Variants in FMN1 observed in about 807,000 individuals in gnomAD.
The protein encoded by FMN1 is formin 1.
In FMN1, 110 loss-of-function variants were observed where a neutral mutation model predicts 132.4. The ratio of observed to expected loss-of-function variants is 0.83; its 90% CI spans 0.71 to 0.97. The LOEUF is 0.97. FMN1 is among the 50% of genes least tolerant of loss of function. The probability of loss-of-function intolerance (pLI) is 0.00; values close to 1 mark genes in which losing one functional copy is unlikely to be tolerated. For synonymous variants in FMN1, 722 were observed against 651.7 expected (o/e 1.11, Z -1.64); for missense variants, 1,792 against 1,705.3 (o/e 1.05, Z -0.90).
chr15:32,847,779 T>C (rs931795177), intron 17 of FMN1, among the ~76,000 whole-genome samples: 5 of 152,148 alleles, frequency 3.3e-5, no homozygotes, highest in East Asian at 1.9e-4. Flanking sequence ...GGCATGAACC[T>C]GGGAGGCGGA....
chr15:33,168,859 G>A lies in FMN1; in HGVS notation c.-132+11339C>T, dbSNP rs116391324. Among the ~76,000 whole-genome samples, 829 of 152,296 alleles carry A rather than the reference G, an allele frequency of 5.4e-3. 4 individuals are homozygous for A. The highest frequency in any genetic ancestry group is 0.019 in the African/African-American group (777 of 41,564). On this transcript the variant is annotated intron_variant, in intron 3 of 20. Coordinates refer to ENST00000616417, the MANE Select transcript of FMN1 (RefSeq NM_001277313.2). ...AAGTCTCAGTCACAAGTGCTAAGAC[G>A]AGATCCTCTAGGTCACAGCAGCCAC...
chr15:32,820,830 C>A (rs1310089851), intron 17 of FMN1, among the ~76,000 whole-genome samples: 2 of 152,054 alleles, frequency 1.3e-5, no homozygotes, highest in Non-Finnish European at 2.9e-5. Context: ...TTTTCCCATG[C>A]TTTTGCTTGT....
intron 6 of FMN1, among the ~76,000 whole-genome samples, chr15:33,029,981 C>T (rs902317560): frequency 3.9e-5 from 6 of 152,152 alleles, no homozygotes; most frequent in African/African-American, 1.2e-4. Context: ...CAGGGTGAAA[C>T]CCCGTCTCTA....
chr15:32,880,034 C>G (rs2059728237), intron 16 of FMN1, among the ~76,000 whole-genome samples: 1 of 149,944 alleles, frequency 6.7e-6, no homozygotes, highest in Non-Finnish European at 1.5e-5. Flanking sequence ...AGTAGTATGT[C>G]TCTAACAAGC....
At chr15:32,873,696 T>C (rs1001947072) in intron 16 of FMN1, among the ~76,000 whole-genome samples, 16 of 152,254 alleles carry the variant, frequency 1.1e-4, no homozygotes, top group African/African-American at 3.9e-4. Context: ...ACGGCTGAAA[T>C]GACAAATAAA....
At chr15:33,158,118 G>C (rs1473974067) in intron 3 of FMN1, among the ~76,000 whole-genome samples, 1 of 151,958 alleles carries the variant, frequency 6.6e-6, no homozygotes, top group Non-Finnish European at 1.5e-5. Flanking sequence ...TCTAGAAAAA[G>C]GGCACCAGGA....
chr15:33,086,496 T>A (rs1487465013), intron 5 of FMN1, among the ~76,000 whole-genome samples: 2 of 152,050 alleles, frequency 1.3e-5, no homozygotes, highest in East Asian at 1.9e-4. Context: ...AAAAATTAAG[T>A]AATCATTTAA....
intron 9 of FMN1, among the ~76,000 whole-genome samples, chr15:32,958,288 G>C (rs971329971): frequency 6.6e-6 from 1 of 152,026 alleles, no homozygotes; most frequent in Admixed American, 6.6e-5. Context: ...TAAATCACCC[G>C]AATAAAAGTT....
At chr15:33,026,475 G>C (rs948494924) in intron 6 of FMN1, among the ~76,000 whole-genome samples, 6 of 148,540 alleles carry the variant, frequency 4.0e-5, no homozygotes, top group Non-Finnish European at 7.5e-5. Flanking sequence ...CTTATAATCA[G>C]TGAGGAAAAA....
intron 17 of FMN1, among the ~76,000 whole-genome samples, chr15:32,816,016 T>C (rs572519627): frequency 6.6e-6 from 1 of 152,348 alleles, no homozygotes; most frequent in East Asian, 1.9e-4. Flanking sequence ...AAGAGATGTT[T>C]GTAAGGTGCT....
intron 7 of FMN1, among the ~76,000 whole-genome samples, chr15:32,995,563 A>G (rs940437251): frequency 6.6e-6 from 1 of 152,182 alleles, no homozygotes; most frequent in Admixed American, 6.5e-5. Context: ...GCATATAGCA[A>G]TATGCAACAA....
At chr15:33,098,767 C>T (rs1384140386) in intron 4 of FMN1, among the ~76,000 whole-genome samples, 1 of 152,156 alleles carries the variant, frequency 6.6e-6, no homozygotes, top group African/African-American at 2.4e-5. Flanking sequence ...CTTTCTTCTA[C>T]CACCACAGCT....
At chr15:32,869,456 A>G (rs8027463) in intron 16 of FMN1, among the ~76,000 whole-genome samples, 32,417 of 152,110 alleles carry the variant, frequency 0.21, 3,805 homozygotes, top group East Asian at 0.28. Context: ...AGCAAGCTCG[A>G]GGTGGAAAAT....
chr15:32,892,012 T>C lies in FMN1; in HGVS notation c.3715-3720A>G, dbSNP rs145668698. On this transcript the variant is annotated intron_variant, in intron 15 of 20. Coordinates refer to ENST00000616417, the MANE Select transcript of FMN1 (RefSeq NM_001277313.2). Reference sequence around the variant, plus strand: ...CATATCATCAGCAAACAGTGACAGTTTGAACTCCTCTTTACTGATTTGGAT... The same window carrying C: ...CATATCATCAGCAAACAGTGACAGTCTGAACTCCTCTTTACTGATTTGGAT... Among the ~76,000 whole-genome samples the C allele has an allele frequency of 1.2e-3, 181 of 152,262 alleles. 1 individual carries two copies. Among genetic ancestry groups the C allele is most frequent in the East Asian group, 8.1e-3 (42 of 5,192 alleles).
chr15:32,777,594 C>CTTTATATATTACGTATAACACA (rs2056476936), intron 19 of FMN1, among the ~76,000 whole-genome samples: 1 of 90,578 alleles, frequency 1.1e-5, no homozygotes, highest in African/African-American at 3.8e-5. Context: ...ACATATAACA[C>CTTTATATATTACGTATAACACA]TTTATATATT....
At chr15:32,908,287 C>A in intron 12 of FMN1, 1 of 491,126 alleles carries the variant, frequency 2.0e-6, no homozygotes, top group Non-Finnish European at 3.7e-6. Context: ...GGGGGTGAGA[C>A]ACACTGTATC....
intron 19 of FMN1, among the ~76,000 whole-genome samples, chr15:32,789,479 G>A (rs1468600853): frequency 6.6e-6 from 1 of 152,166 alleles, no homozygotes; most frequent in African/African-American, 2.4e-5. Flanking sequence ...ACTGCATAAT[G>A]ACATTTCGGT....
rs569808220 is a variant in FMN1 at position 33,169,843 on chromosome 15, A to G, written c.-132+10355T>C. Among the ~76,000 whole-genome samples, 6 of 146,716 alleles carry G rather than the reference A, an allele frequency of 4.1e-5. No homozygotes were observed. In the South Asian group the frequency reaches 1.3e-3, roughly 31 times the overall value. On this transcript the variant is annotated intron_variant, in intron 3 of 20. Transcript: ENST00000616417. ...ACCAGATGAGGCCACTATTGAGCATATTATTTATTCTTTTGTCATCAGATT... is the reference window on the plus strand; with the variant it reads ...ACCAGATGAGGCCACTATTGAGCATGTTATTTATTCTTTTGTCATCAGATT...
At chr15:32,950,332 C>G (rs1427606211) in intron 9 of FMN1, among the ~76,000 whole-genome samples, 1 of 151,734 alleles carries the variant, frequency 6.6e-6, no homozygotes, top group African/African-American at 2.4e-5. Flanking sequence ...AATCCTGTTA[C>G]TGGGTATACA....
Sources: gnomAD v4.1 joint callset for allele counts (sites outside exome capture counted in the v4.1 genomes callset) on GRCh38, gnomAD v4.1.1 for gene constraint, MANE v1.5 for transcripts, NCBI Gene and HGNC (gene_info 2026-07-23, HGNC 2026-07-21) for gene names.